The following HNF4A variants were observed in gnomAD, a reference collection of about 807,000 sequenced individuals.
The protein encoded by HNF4A is hepatocyte nuclear factor 4-alpha.
In HNF4A, 15 loss-of-function variants were observed where a neutral mutation model predicts 52.4. The observed-to-expected ratio is 0.29, with a 90% CI of 0.19 to 0.44. The LOEUF (loss-of-function observed/expected upper bound fraction) is 0.44. Ranked by LOEUF, HNF4A falls within the 20% of genes least tolerant of loss-of-function variation. The pLI is 1.00. For missense variants in HNF4A, 479 were observed against 647.2 expected, an observed-to-expected ratio of 0.74 and a Z score of 2.82; for synonymous variants, 280 against 264.4, an observed-to-expected ratio of 1.06 and a Z score of -0.57.
intron 3 of HNF4A, chr20:44,408,210 A>G (rs2063531079): frequency 6.4e-6 from 1 of 156,050 alleles, no homozygotes; most frequent in African/African-American, 2.4e-5. Context: ...TGAACCTATT[A>G]CAATTCCTCC....
rs41282026 is a variant in HNF4A at position 44,406,092 on chromosome 20, G to A, written c.150G>A (p.Ala50=). The A allele has an allele frequency of 1.4e-3, 2,204 of 1,613,008 alleles. No homozygotes were observed. The highest frequency in any genetic ancestry group is 1.8e-3 in the Non-Finnish European group (2,078 of 1,180,014). Reference sequence around the variant, plus strand: ...CATCAGAAGGCACCAACCTCAACGCGCCCAACAGCCTGGGTGTCAGCGCCC... The same window carrying A: ...CATCAGAAGGCACCAACCTCAACGCACCCAACAGCCTGGGTGTCAGCGCCC... Residue 50 remains alanine, a synonymous_variant, in exon 2 of 10, where the codon GCG becomes GCA. Coordinates refer to ENST00000316099, the MANE Select transcript of HNF4A (RefSeq NM_000457.6).
rs113197737 is a variant in HNF4A, at chr20:44,366,552, T to G, written c.49+10699T>G. On this transcript the variant is annotated intron_variant, in intron 1 of 9. Coordinates refer to the HNF4A transcript ENST00000316673. ...AGGAGAATCTCTTAAACCCAGGAGG[T>G]GGAGATTGCAGTGAGCCAAGATCAC... Among the ~76,000 whole-genome samples, 1,094 of 151,252 alleles carry G rather than the reference T, an allele frequency of 7.2e-3. 15 individuals are homozygous for G. Among genetic ancestry groups the G allele is most frequent in the African/African-American group, 0.025 (1,027 of 41,122 alleles).
downstream of HNF4A, chr20:44,434,359 AACTCTCC>A (rs1488953726): frequency 2.6e-5 from 4 of 151,924 alleles, no homozygotes; most frequent in Non-Finnish European, 5.9e-5. Context: ...TTAACCATTA[AACTCTCC>A]AGGCTTCAGA....
chr20:44,407,518 G>A, intron 3 of HNF4A, 43 bp downstream of exon 3: 1 of 1,277,276 alleles, frequency 7.8e-7, no homozygotes, highest in Non-Finnish European at 1.1e-6. Context: ...TGCCCCACCT[G>A]CACCCACAGC....
chr20:44,406,783 G>A (rs541693885), intron 2 of HNF4A, among the ~76,000 whole-genome samples: 1 of 152,336 alleles, frequency 6.6e-6, no homozygotes, highest in South Asian at 2.1e-4. Context: ...CCCCATCGGC[G>A]CATGACTTCA....
intron 1 of HNF4A, among the ~76,000 whole-genome samples, chr20:44,371,775 A>G (rs184220914): frequency 1.0e-3 from 156 of 152,264 alleles, no homozygotes; most frequent in African/African-American, 3.7e-3. Flanking sequence ...CCGTGAGCCA[A>G]GATCGCCACT....
At chr20:44,380,243 T>C (rs1319491270) in intron 1 of HNF4A, among the ~76,000 whole-genome samples, 2 of 152,240 alleles carry the variant, frequency 1.3e-5, no homozygotes, top group African/African-American at 4.8e-5. Flanking sequence ...TTTTATGTGC[T>C]TAATGGTTAT....
intron 1 of HNF4A, among the ~76,000 whole-genome samples, chr20:44,377,327 T>C (rs2063096401): frequency 6.6e-6 from 1 of 152,160 alleles, no homozygotes; most frequent in Non-Finnish European, 1.5e-5. Flanking sequence ...AAACTACCTA[T>C]TGGGTACCAT....
At chr20:44,393,644 C>G (rs2063326375) in intron 1 of HNF4A, among the ~76,000 whole-genome samples, 1 of 152,192 alleles carries the variant, frequency 6.6e-6, no homozygotes, top group Non-Finnish European at 1.5e-5. Context: ...CCCAGAGTGG[C>G]TGGGAGGATC....
chr20:44,407,706 C>T (rs777607427), intron 3 of HNF4A, among the ~76,000 whole-genome samples: 15 of 152,062 alleles, frequency 9.9e-5, no homozygotes, highest in Non-Finnish European at 2.2e-4. Flanking sequence ...CTCAGGCTCC[C>T]AGCAACCACC....
chr20:44,401,638 A>C, intron 1 of HNF4A: 1 of 1,013,596 alleles, frequency 9.9e-7, no homozygotes, highest in African/African-American at 1.6e-5. Flanking sequence ...TTGCCAAGTG[A>C]AGCCCATGTG....
chr20:44,399,565 C>T (rs144619185), upstream of HNF4A, among the ~76,000 whole-genome samples: 1,725 of 152,232 alleles, frequency 0.011, 10 homozygotes, highest in Non-Finnish European at 0.018. Flanking sequence ...CATGAAGATG[C>T]CTCCTCATAC....
At chr20:44,408,602 C>T (rs1300273408) in intron 3 of HNF4A, among the ~76,000 whole-genome samples, 4 of 152,086 alleles carry the variant, frequency 2.6e-5, no homozygotes, top group African/African-American at 9.7e-5. Context: ...TGGTGCATGC[C>T]TGTAGTCCTA....
intron 1 of HNF4A, among the ~76,000 whole-genome samples, chr20:44,373,204 C>T (rs2063051657): frequency 6.6e-6 from 1 of 152,156 alleles, no homozygotes; most frequent in Admixed American, 6.6e-5. Context: ...GGCTGGAGTG[C>T]AGTGGCATAG....
chr20:44,375,106 C>T (rs528781116), intron 1 of HNF4A, among the ~76,000 whole-genome samples: 5 of 150,972 alleles, frequency 3.3e-5, no homozygotes, highest in African/African-American at 7.3e-5. Flanking sequence ...TGGTATCTCA[C>T]GATTTCATTT....
At position 44,413,859 on chromosome 20, in the gene HNF4A, T is replaced by C. The variant is rs914788098; in HGVS notation, c.492+59T>C. 6 of 1,115,324 alleles carry C rather than the reference T, an allele frequency of 5.4e-6. No homozygotes were observed. The African/African-American group carries it at 9.2e-5, about 17-fold the overall frequency. 69.1% of individuals were successfully genotyped at this position (1,115,324 alleles called of 1,614,324 possible). A position where few individuals can be genotyped will look rare whatever the true frequency, so the allele number is the denominator to read the frequency against. ...CCCCCACACTACAGAGGAGCTCACC[T>C]CCTCCACCTCCATTCTCCCCAGCCA... On this transcript the variant is annotated intron_variant, in intron 4 of 9. Coordinates refer to ENST00000316099, the MANE Select transcript of HNF4A (RefSeq NM_000457.6).
intron 3 of HNF4A, among the ~76,000 whole-genome samples, chr20:44,409,867 C>T (rs1053995862): frequency 1.3e-5 from 2 of 149,116 alleles, no homozygotes; most frequent in African/African-American, 2.5e-5. Flanking sequence ...GATGGAATTT[C>T]GCTCTTGTTG....
At chr20:44,429,410 A>T in intron 9 of HNF4A, 113 bp from the exon 10 acceptor site, 4 of 1,142,182 alleles carry the variant, frequency 3.5e-6, no homozygotes, top group Non-Finnish European at 5.2e-6. Flanking sequence ...TAGAGGAAGA[A>T]ATTAAGTCAA....
At chr20:44,427,106 A>G (rs1472514049) in intron 8 of HNF4A, among the ~76,000 whole-genome samples, 2 of 152,220 alleles carry the variant, frequency 1.3e-5, no homozygotes, top group Non-Finnish European at 2.9e-5. Context: ...TCCTGTACCC[A>G]TAAGGTGCCA....
Sources: gnomAD v4.1 joint callset for allele counts (sites outside exome capture counted in the v4.1 genomes callset) on GRCh38, gnomAD v4.1.1 for gene constraint, MANE v1.5 for transcripts, NCBI Gene and HGNC (gene_info 2026-07-23, HGNC 2026-07-21) for gene names.